The following IMMP2L variants were observed in gnomAD, a reference collection of about 807,000 sequenced individuals.
IMMP2L encodes inner mitochondrial membrane peptidase subunit 2.
A neutral mutation model predicts 19.3 loss-of-function variants in IMMP2L; 18 were observed. The observed-to-expected ratio is 0.93, with a 90% confidence interval of 0.64 to 1.38. The LOEUF is 1.38. Ranked by LOEUF, IMMP2L falls within the 40% of genes most tolerant of loss-of-function variation. The pLI, the probability that IMMP2L is intolerant of heterozygous loss-of-function variation, is 0.00. For missense variants in IMMP2L, 233 were observed against 218.2 expected (o/e 1.07, Z -0.43); for synonymous variants, 76 against 73.0 (o/e 1.04, Z -0.21).
At chr7:111,048,238 CAAAAAAAAAAAAAA>C (rs575701337) in intron 3 of IMMP2L, among the ~76,000 whole-genome samples, 4 of 18,354 alleles carry the variant, frequency 2.2e-4, no homozygotes, top group Non-Finnish European at 5.7e-4. Context: ...GACTCTGTCT[CAAAAAAAAAAAAAA>C]AAAAAAAAAA....
At chr7:111,383,505 C>A (rs1344162802) in intron 3 of IMMP2L, among the ~76,000 whole-genome samples, 1 of 152,128 alleles carries the variant, frequency 6.6e-6, no homozygotes, top group Non-Finnish European at 1.5e-5. Flanking sequence ...GACCAGAAAA[C>A]CGAGCTACGC....
intron 3 of IMMP2L, among the ~76,000 whole-genome samples, chr7:111,438,265 C>T (rs1325151793): frequency 2.0e-5 from 3 of 151,740 alleles, no homozygotes; most frequent in Non-Finnish European, 2.9e-5. Context: ...CTGACAGTCT[C>T]AAAGAATACT....
In IMMP2L at chr7:110,663,406, C is replaced by G. The variant is rs1203448488; in HGVS notation, c.*196G>C. ...AACAACAGGGAACTAAAATTTAACA[C>G]AAAATCAGGTGCCATTTAATACTGT... is the stretch of plus-strand genomic sequence containing the variant. On this transcript the variant is annotated 3_prime_UTR_variant, in exon 6 of 6. Transcript: ENST00000405709. 6.5e-6 allele frequency: 3 copies of G among 462,858 alleles called. No homozygotes were observed. Among genetic ancestry groups the G allele is most frequent in the Non-Finnish European group, 1.1e-5 (3 of 265,316 alleles). 28.7% of individuals were successfully genotyped at this position (462,858 alleles called of 1,614,324 possible). A position where few individuals can be genotyped will look rare whatever the true frequency, so the allele number is the denominator to read the frequency against.
chr7:111,401,859 C>T (rs927148913), intron 3 of IMMP2L, among the ~76,000 whole-genome samples: 4 of 151,934 alleles, frequency 2.6e-5, no homozygotes, highest in Non-Finnish European at 5.9e-5. Context: ...GCCAACATTC[C>T]AAACACAGTG....
chr7:111,377,447 C>T (rs914620406), intron 3 of IMMP2L, among the ~76,000 whole-genome samples: 1 of 151,902 alleles, frequency 6.6e-6, no homozygotes, highest in African/African-American at 2.4e-5. Context: ...TATAATACAG[C>T]TCTATGATAC....
chr7:111,033,421 A>G (rs1791032759), intron 3 of IMMP2L, among the ~76,000 whole-genome samples: 1 of 152,134 alleles, frequency 6.6e-6, no homozygotes, highest in Admixed American at 6.5e-5. Context: ...GCAGTTTCTA[A>G]CAAAACTAAA....
chr7:110,664,046 C>T (rs779407534), intron 5 of IMMP2L, among the ~76,000 whole-genome samples: 2 of 152,028 alleles, frequency 1.3e-5, no homozygotes, highest in African/African-American at 2.4e-5. Context: ...AAAATTCATA[C>T]AGCTACCAAG....
chr7:111,112,472 C>T (rs1342039764), intron 3 of IMMP2L, among the ~76,000 whole-genome samples: 1 of 151,768 alleles, frequency 6.6e-6, no homozygotes, highest in African/African-American at 2.4e-5. Context: ...TGAATTTCCA[C>T]TCACAAAAAG....
At chr7:110,674,101 T>C (rs1421300230) in intron 5 of IMMP2L, among the ~76,000 whole-genome samples, 1 of 152,198 alleles carries the variant, frequency 6.6e-6, no homozygotes, top group Non-Finnish European at 1.5e-5. Context: ...TGACTCACAG[T>C]TCAGCATGGC....
intron 5 of IMMP2L, among the ~76,000 whole-genome samples, chr7:110,688,109 G>C (rs182311178): frequency 6.6e-6 from 1 of 152,150 alleles, no homozygotes; most frequent in Admixed American, 6.6e-5. Context: ...AAACATCTGA[G>C]TGAAGAAGCC....
intron 3 of IMMP2L, among the ~76,000 whole-genome samples, chr7:111,096,359 C>T (rs1452176550): frequency 6.6e-6 from 1 of 151,724 alleles, no homozygotes; most frequent in Non-Finnish European, 1.5e-5. Flanking sequence ...AATGTTAGTT[C>T]CCTTTTTATG....
intron 3 of IMMP2L, among the ~76,000 whole-genome samples, chr7:111,158,453 A>T (rs578225336): frequency 6.6e-6 from 1 of 152,270 alleles, no homozygotes; most frequent in South Asian, 2.1e-4. Flanking sequence ...TACAGAAAGT[A>T]GTGACAATTA....
At chr7:111,329,060 C>T (rs945472590) in intron 3 of IMMP2L, among the ~76,000 whole-genome samples, 3 of 151,724 alleles carry the variant, frequency 2.0e-5, no homozygotes, top group African/African-American at 7.3e-5. Flanking sequence ...TTTAAAAGAT[C>T]GTCACATCTT....
chr7:110,692,380 T>A (rs1413794474), intron 5 of IMMP2L, among the ~76,000 whole-genome samples: 1 of 149,754 alleles, frequency 6.7e-6, no homozygotes, highest in Admixed American at 6.7e-5. Context: ...GATAAAAAAC[T>A]GCATGTTAGG....
chr7:111,226,646 A>T (rs1420445715), intron 3 of IMMP2L, among the ~76,000 whole-genome samples: 1 of 152,108 alleles, frequency 6.6e-6, no homozygotes, highest in Non-Finnish European at 1.5e-5. Context: ...AGACAATGTA[A>T]AATTTCTCTT....
rs1252547294 is a variant in IMMP2L, at chr7:111,161,656, A to G, written c.240-198091T>C. Among the ~76,000 whole-genome samples, 6 of 152,094 alleles carry G rather than the reference A, an allele frequency of 3.9e-5. No homozygotes were observed. In the East Asian group the frequency reaches 1.2e-3, roughly 29 times the overall value. The stretch of plus-strand genomic sequence containing the variant: ...AAATTTCACAAATGCTTCAGAGCAC[A>G]TTCCTCAAAATTCAAGGATGTGAAT... On this transcript the variant is annotated intron_variant, in intron 3 of 5. Transcript: ENST00000405709.
At chr7:111,187,167 G>A (rs944520553) in intron 3 of IMMP2L, among the ~76,000 whole-genome samples, 1 of 152,270 alleles carries the variant, frequency 6.6e-6, no homozygotes, top group South Asian at 2.1e-4. Flanking sequence ...GTAAGAGAAT[G>A]GGAGTAAGGT....
intron 3 of IMMP2L, among the ~76,000 whole-genome samples, chr7:111,463,702 T>C (rs1188925839): frequency 1.3e-5 from 2 of 152,236 alleles, no homozygotes; most frequent in South Asian, 4.1e-4. Flanking sequence ...ATCCCACTGT[T>C]GCTAGTCCCT....
chr7:110,975,503 G>A (rs1212751020), intron 3 of IMMP2L, among the ~76,000 whole-genome samples: 1 of 152,112 alleles, frequency 6.6e-6, no homozygotes, highest in Admixed American at 6.6e-5. Flanking sequence ...GTGCTGAAAA[G>A]CTCAATTGCT....
Sources: allele counts gnomAD v4.1 joint callset (sites outside exome capture counted in the v4.1 genomes callset), GRCh38; gene constraint gnomAD v4.1.1; transcripts MANE v1.5; gene names NCBI Gene and HGNC (gene_info 2026-07-23, HGNC 2026-07-21).